Variants in VRK2 observed in about 807,000 individuals in gnomAD.
The protein encoded by VRK2 is VRK serine/threonine kinase 2.
In VRK2, 60 loss-of-function variants were observed where a neutral mutation model predicts 57.6. That is an observed-to-expected ratio of 1.04 (90% CI 0.85 to 1.29). The LOEUF is 1.29. VRK2 is among the 50% of genes most tolerant of loss of function. VRK2 has a pLI of 0.00. For synonymous variants in VRK2, 231 were observed against 199.2 expected, an observed-to-expected ratio of 1.16 and a Z score of -1.35; for missense variants, 705 against 588.1, an observed-to-expected ratio of 1.20 and a Z score of -2.06.
At chr2:58,151,599 T>C (rs1192429294) in intron 12 of VRK2, among the ~76,000 whole-genome samples, 1 of 151,624 alleles carries the variant, frequency 6.6e-6, no homozygotes, top group Non-Finnish European at 1.5e-5. Flanking sequence ...TAACTATTGA[T>C]ATAGCTGGGT....
chr2:57,919,530 T>C (rs1466316836), intron 1 of VRK2, among the ~76,000 whole-genome samples: 4 of 152,036 alleles, frequency 2.6e-5, no homozygotes, highest in Admixed American at 2.6e-4. Flanking sequence ...AATATGTACA[T>C]TCTAAATCTA....
intron 2 of VRK2, among the ~76,000 whole-genome samples, chr2:58,051,829 A>T (rs916341729): frequency 6.6e-6 from 1 of 152,220 alleles, no homozygotes; most frequent in Non-Finnish European, 1.5e-5. Context: ...CTCTAGCATT[A>T]ATAAGAAATA....
intron 1 of VRK2, among the ~76,000 whole-genome samples, chr2:58,019,297 C>G (rs1227852341): frequency 6.6e-6 from 1 of 152,142 alleles, no homozygotes; most frequent in Admixed American, 6.5e-5. Context: ...GTAGTGCCTG[C>G]TTTAAGACTA....
intron 3 of VRK2, among the ~76,000 whole-genome samples, chr2:58,039,651 A>C (rs1674383640): frequency 1.3e-5 from 2 of 152,086 alleles, no homozygotes; most frequent in Admixed American, 6.6e-5. Context: ...GGAGAGGGGG[A>C]AAATGTGTTT....
At chr2:58,137,224 C>CATATATGAGATACATATATATCAT (rs147019487) in intron 10 of VRK2, among the ~76,000 whole-genome samples, 2 of 65,142 alleles carry the variant, frequency 3.1e-5, no homozygotes, top group African/African-American at 1.7e-4. Flanking sequence ...ACATATATAT[C>CATATATGAGATACATATATATCAT]ATATGATACA....
intron 2 of VRK2, among the ~76,000 whole-genome samples, chr2:58,054,619 ATATC>A (rs1449717133): frequency 2.0e-5 from 3 of 152,170 alleles, no homozygotes; most frequent in African/African-American, 4.8e-5. Context: ...AGACACAGGA[ATATC>A]TATATCAGAT....
At chr2:58,126,330 G>A (rs1240795859) in intron 8 of VRK2, among the ~76,000 whole-genome samples, 3 of 151,984 alleles carry the variant, frequency 2.0e-5, no homozygotes, top group African/African-American at 2.4e-5. Flanking sequence ...TCTGTTCTGT[G>A]CTACTTTTTG....
chr2:57,985,652 G>A (rs1672572024), intron 1 of VRK2, among the ~76,000 whole-genome samples: 1 of 152,022 alleles, frequency 6.6e-6, no homozygotes, highest in African/African-American at 2.4e-5. Flanking sequence ...CCAAAATAAG[G>A]ATGTTCTGCT....
intron 10 of VRK2, among the ~76,000 whole-genome samples, chr2:58,136,538 C>T (rs896805185): frequency 6.6e-6 from 1 of 151,896 alleles, no homozygotes; most frequent in Middle Eastern, 3.4e-3. Context: ...ACACGTGCCA[C>T]GATGCCCAGC....
chr2:58,040,190 AT>A (rs1424046550), intron 3 of VRK2, among the ~76,000 whole-genome samples: 1 of 152,178 alleles, frequency 6.6e-6, no homozygotes, highest in Non-Finnish European at 1.5e-5. Context: ...ATCTTAAGGA[AT>A]TTGATAATTG....
chr2:57,972,629 T>C (rs1672130760), intron 1 of VRK2, among the ~76,000 whole-genome samples: 1 of 151,868 alleles, frequency 6.6e-6, no homozygotes, highest in African/African-American at 2.4e-5. Flanking sequence ...ATTTTGTTTT[T>C]AACTGTTTGT....
At chr2:58,002,319 A>C (rs1186667147) in intron 1 of VRK2, among the ~76,000 whole-genome samples, 1 of 152,172 alleles carries the variant, frequency 6.6e-6, no homozygotes, top group African/African-American at 2.4e-5. Flanking sequence ...TCCACTAAAA[A>C]TATAAAAAAT....
intron 3 of VRK2, chr2:58,041,060 G>C (rs1408881279): frequency 5.1e-6 from 5 of 985,116 alleles, no homozygotes; most frequent in Non-Finnish European, 6.0e-6. Context: ...GTTACTGCAG[G>C]GATGTTAACT....
chr2:58,099,485 A>C (rs555650918), intron 7 of VRK2, among the ~76,000 whole-genome samples: 1 of 152,118 alleles, frequency 6.6e-6, no homozygotes, highest in South Asian at 2.1e-4. Context: ...TTCCTTTCCT[A>C]TAACCCTTTA....
At chr2:57,911,514 A>G (rs1415748419) in intron 1 of VRK2, among the ~76,000 whole-genome samples, 1 of 152,132 alleles carries the variant, frequency 6.6e-6, no homozygotes, top group African/African-American at 2.4e-5. Context: ...TGGCCCCACA[A>G]AAGGAATCTA....
chr2:58,046,934 G>A (rs1674840234), intron 1 of VRK2, 66 bp downstream of exon 1: 2 of 985,448 alleles, frequency 2.0e-6, no homozygotes, highest in Admixed American at 6.1e-5. Context: ...CGGAGCCGCG[G>A]CCCCGCTCGG....
chr2:57,966,754 T>A (rs1027038389), intron 1 of VRK2, among the ~76,000 whole-genome samples: 1 of 152,178 alleles, frequency 6.6e-6, no homozygotes, highest in African/African-American at 2.4e-5. Flanking sequence ...TCCTCTAGAA[T>A]TATTTTTAAG....
At chr2:58,102,540 A>G (rs1000125844) in intron 7 of VRK2, among the ~76,000 whole-genome samples, 2 of 151,506 alleles carry the variant, frequency 1.3e-5, no homozygotes, top group Non-Finnish European at 3.0e-5. Flanking sequence ...TGATAAAACA[A>G]TTCAACAAGA....
At chr2:58,158,180 G>T (rs1573469141) in intron 12 of VRK2, among the ~76,000 whole-genome samples, 2 of 151,264 alleles carry the variant, frequency 1.3e-5, no homozygotes, top group East Asian at 3.9e-4. Flanking sequence ...TCTATGATTT[G>T]ATAGCATAAT....
Sources: allele counts gnomAD v4.1 joint callset (sites outside exome capture counted in the v4.1 genomes callset), GRCh38; gene constraint gnomAD v4.1.1; transcripts MANE v1.5; gene names NCBI Gene and HGNC (gene_info 2026-07-23, HGNC 2026-07-21).